ZDHHC2: variants seen among roughly 807,000 people sequenced by gnomAD.
The protein encoded by ZDHHC2 is zDHHC palmitoyltransferase 2.
ZDHHC2 carries 51 observed loss-of-function variants against 55.6 expected under a neutral mutation model. That is an observed-to-expected ratio of 0.92 (90% confidence interval 0.73 to 1.16). The LOEUF (loss-of-function observed/expected upper bound fraction) is 1.16, where lower values mean the gene tolerates loss of function less well. ZDHHC2 is among the 50% of genes most tolerant of loss of function. ZDHHC2 has a pLI of 0.00. For missense variants in ZDHHC2, 491 were observed against 442.4 expected (o/e 1.11, Z -0.99); for synonymous variants, 199 against 152.9 (o/e 1.30, Z -2.22).
At chr8:17,192,380 G>A (rs1035189266) in intron 3 of ZDHHC2, among the ~76,000 whole-genome samples, 5 of 152,154 alleles carry the variant, frequency 3.3e-5, no homozygotes, top group African/African-American at 1.2e-4. Context: ...CATGGATGTT[G>A]AGCACATCTT....
At chr8:17,164,947 C>A (rs564061887) in intron 1 of ZDHHC2, among the ~76,000 whole-genome samples, 1 of 152,168 alleles carries the variant, frequency 6.6e-6, no homozygotes, top group African/African-American at 2.4e-5. Flanking sequence ...GAACTGTGTC[C>A]CTCATCCCTT....
intron 1 of ZDHHC2, among the ~76,000 whole-genome samples, chr8:17,160,683 T>G (rs1804295956): frequency 6.6e-6 from 1 of 152,360 alleles, no homozygotes; most frequent in East Asian, 1.9e-4. Flanking sequence ...TTGACAGAGC[T>G]CTGAAAATAA....
chr8:17,158,706 A>G (rs866012439), intron 1 of ZDHHC2, among the ~76,000 whole-genome samples: 13 of 152,388 alleles, frequency 8.5e-5, no homozygotes, highest in Admixed American at 4.6e-4. Flanking sequence ...CGATTTGACT[A>G]AGAGGAAGAA....
In ZDHHC2 at chr8:17,224,031, A is replaced by G. The variant is rs1325645900; in HGVS notation, c.*3810A>G. Reference sequence around the variant, plus strand: ...CAGGAGACTCTGAAACAGGGCACCCATTTTTTTTTTCCTTCCTCAAAATAG... The same window carrying G: ...CAGGAGACTCTGAAACAGGGCACCCGTTTTTTTTTTCCTTCCTCAAAATAG... On this transcript the variant is annotated 3_prime_UTR_variant, in exon 13 of 13. Transcript: ENST00000262096. The G allele has an allele frequency of 3.4e-5, 5 of 149,006 alleles. No homozygotes were observed. The East Asian group carries it at 9.8e-4, about 29-fold the overall frequency. The allele number at this position is 149,006 out of a possible 1,614,324, so 9.2% of individuals were successfully genotyped here.
intron 3 of ZDHHC2, among the ~76,000 whole-genome samples, chr8:17,188,809 T>G (rs1805864708): frequency 6.6e-6 from 1 of 152,184 alleles, no homozygotes; most frequent in African/African-American, 2.4e-5. Context: ...GAAAACAAAC[T>G]TCTGATTTCT....
chr8:17,211,144 GAA>G (rs1176060257), intron 10 of ZDHHC2, among the ~76,000 whole-genome samples: 1 of 152,178 alleles, frequency 6.6e-6, no homozygotes, highest in Non-Finnish European at 1.5e-5. Flanking sequence ...CTGGCAAAAG[GAA>G]AAGTTACTTA....
rs189974359 is a variant in ZDHHC2, at chr8:17,219,392, C to G, written c.*35-864C>G. On this transcript the variant is annotated intron_variant, in intron 12 of 12. Transcript: ENST00000262096. ...GCAGTTTCCAGATGGTTATAATGTGCCTAAACCCATAGTTAGTACTAAAAA... is the reference window on the plus strand; with the variant it reads ...GCAGTTTCCAGATGGTTATAATGTGGCTAAACCCATAGTTAGTACTAAAAA... Among the ~76,000 whole-genome samples, 45 of 151,320 alleles carry G rather than the reference C, an allele frequency of 3.0e-4. No individual in the cohort carries two copies. In the East Asian group the frequency reaches 5.5e-3, roughly 18 times the overall value.
chr8:17,172,700 CTCTT>C (rs1804919579), intron 1 of ZDHHC2, among the ~76,000 whole-genome samples: 1 of 152,164 alleles, frequency 6.6e-6, no homozygotes, highest in African/African-American at 2.4e-5. Flanking sequence ...TATTCTGTCT[CTCTT>C]AATGTCAGTG....
chr8:17,165,877 G>C (rs907795822), intron 1 of ZDHHC2, among the ~76,000 whole-genome samples: 1 of 152,214 alleles, frequency 6.6e-6, no homozygotes, highest in African/African-American at 2.4e-5. Context: ...GTATTGTGGA[G>C]AAATATATCT....
At chr8:17,206,185 A>G (rs1325973912) in intron 7 of ZDHHC2, among the ~76,000 whole-genome samples, 1 of 152,190 alleles carries the variant, frequency 6.6e-6, no homozygotes, top group African/African-American at 2.4e-5. Context: ...CTTAAAGTGT[A>G]GTGCTGAAGT....
chr8:17,212,767 T>A (rs1807447819), intron 10 of ZDHHC2, among the ~76,000 whole-genome samples: 1 of 152,182 alleles, frequency 6.6e-6, no homozygotes. Context: ...TTCCATCACT[T>A]AACAAGACTG....
chr8:17,162,686 G>GA (rs1265728443), intron 1 of ZDHHC2: 3 of 152,088 alleles, frequency 2.0e-5, no homozygotes, highest in African/African-American at 4.8e-5. Flanking sequence ...CAGCCTCTGG[G>GA]AAAAAACCCA....
At chr8:17,178,455 T>C (rs1050294851) in intron 1 of ZDHHC2, among the ~76,000 whole-genome samples, 1 of 152,158 alleles carries the variant, frequency 6.6e-6, no homozygotes. Flanking sequence ...GACTAATACA[T>C]AGGGCTGGAA....
At chr8:17,205,066 A>G (rs1246105363) in intron 6 of ZDHHC2, among the ~76,000 whole-genome samples, 1 of 152,194 alleles carries the variant, frequency 6.6e-6, no homozygotes, top group Non-Finnish European at 1.5e-5. Flanking sequence ...TGAAATTCTA[A>G]TCGATGATTT....
rs1261534511 is a variant in ZDHHC2, at chr8:17,187,107, A to T, written c.252+682A>T. 3.9e-5 allele frequency among the ~76,000 whole-genome samples: 6 copies of T among 152,300 alleles called. No homozygotes were observed. The South Asian group carries it at 1.2e-3, about 32-fold the overall frequency. ...TATATGGCCACATCTACCCACAAGG[A>T]AGGGGGGAGTGTAGCCTTTCTTCTC... On this transcript the variant is annotated intron_variant, in intron 3 of 12. Transcript: ENST00000262096.
chr8:17,219,205 G>A (rs1418928838), intron 12 of ZDHHC2, among the ~76,000 whole-genome samples: 4 of 123,898 alleles, frequency 3.2e-5, no homozygotes, highest in Admixed American at 1.1e-4. Flanking sequence ...AGCCAAAATC[G>A]TGCCATTGCA....
intron 6 of ZDHHC2, among the ~76,000 whole-genome samples, chr8:17,199,600 T>G (rs1563161631): frequency 4.7e-5 from 2 of 42,202 alleles, no homozygotes; most frequent in Non-Finnish European, 7.1e-5. Context: ...TTCTTCTTCT[T>G]TATTCTTTCT....
At position 17,156,590 on chromosome 8, in the gene ZDHHC2, C is replaced by A. The variant is rs1407074538; in HGVS notation, c.-134C>A. ...GCGGGATGGGGAGTTAGCGCCACGG[C>A]GGCGGCAGTGGCCGCAGCGCACCCC... On this transcript the variant is annotated 5_prime_UTR_variant, in exon 1 of 13. Coordinates refer to ENST00000262096, the MANE Select transcript of ZDHHC2 (RefSeq NM_016353.5). 8.5e-6 allele frequency: 5 copies of A among 590,200 alleles called. No homozygotes were observed. Among genetic ancestry groups the A allele is most frequent in the Non-Finnish European group, 1.1e-5 (5 of 464,090 alleles). The allele number at this position is 590,200 out of a possible 1,614,324, so 36.6% of individuals were successfully genotyped here. A position where few individuals can be genotyped will look rare whatever the true frequency, so the allele number is the denominator to read the frequency against.
intron 3 of ZDHHC2, among the ~76,000 whole-genome samples, chr8:17,191,382 C>G (rs193033364): frequency 2.6e-5 from 4 of 152,324 alleles, no homozygotes; most frequent in African/African-American, 9.6e-5. Flanking sequence ...CAGGCATAAG[C>G]CACTGCGCCC....
Sources: allele counts gnomAD v4.1 joint callset (sites outside exome capture counted in the v4.1 genomes callset), GRCh38; gene constraint gnomAD v4.1.1; transcripts MANE v1.5; gene names NCBI Gene and HGNC (gene_info 2026-07-23, HGNC 2026-07-21).